Variants in SLC35F1 observed in about 807,000 individuals in gnomAD.
SLC35F1 encodes solute carrier family 35 member F1.
SLC35F1 carries 14 observed loss-of-function variants against 48.7 expected under a neutral mutation model. The observed-to-expected ratio is 0.29, with a 90% CI of 0.19 to 0.45. SLC35F1 has a LOEUF of 0.45. Among genes scored for constraint, SLC35F1 ranks in the 20% least tolerant of loss-of-function variants. The probability of loss-of-function intolerance (pLI) is 1.00; values close to 1 mark genes in which losing one functional copy is unlikely to be tolerated. For synonymous variants in SLC35F1, 190 were observed against 202.2 expected (o/e 0.94, Z 0.51); for missense variants, 404 against 500.0 (o/e 0.81, Z 1.83).
chr6:118,111,728 T>C lies in SLC35F1; in HGVS notation c.174-42717T>C, dbSNP rs553567328. ...ATTGATCTAACAGATAACAATGTATTTAAAAGAATAAGAGAAACAATATAT... is the reference window on the plus strand; with the variant it reads ...ATTGATCTAACAGATAACAATGTATCTAAAAGAATAAGAGAAACAATATAT... On this transcript the variant is annotated intron_variant, in intron 1 of 7. Transcript: ENST00000360388. Among the ~76,000 whole-genome samples, 316 of 152,318 alleles carry C rather than the reference T, an allele frequency of 2.1e-3. 1 individual carries two copies. The highest frequency in any genetic ancestry group is 7.5e-3 in the African/African-American group (312 of 41,574).
chr6:118,207,645 A>G (rs1020424993), intron 2 of SLC35F1, among the ~76,000 whole-genome samples: 4 of 152,164 alleles, frequency 2.6e-5, no homozygotes, highest in African/African-American at 9.7e-5. Context: ...TTGAAGGACA[A>G]TGTCAGCAGA....
chr6:118,072,300 C>T (rs1310719308), intron 1 of SLC35F1, among the ~76,000 whole-genome samples: 2 of 152,132 alleles, frequency 1.3e-5, no homozygotes, highest in African/African-American at 4.8e-5. Flanking sequence ...CACGGTGGCT[C>T]ACGCCTGTAA....
At chr6:118,067,527 C>G (rs76979482) in intron 1 of SLC35F1, among the ~76,000 whole-genome samples, 1,898 of 152,044 alleles carry the variant, frequency 0.012, 40 homozygotes, top group African/African-American at 0.043. Context: ...GTGTGCTTAG[C>G]GTGATGCAAG....
intron 1 of SLC35F1, among the ~76,000 whole-genome samples, chr6:118,122,989 T>C (rs1431270795): frequency 6.6e-6 from 1 of 152,166 alleles, no homozygotes; most frequent in African/African-American, 2.4e-5. Context: ...ATTAGACAGC[T>C]AGCTGGCAGC....
intron 1 of SLC35F1, among the ~76,000 whole-genome samples, chr6:118,026,984 A>G (rs73521539): frequency 0.047 from 7,214 of 152,214 alleles, 599 homozygotes; most frequent in African/African-American, 0.17. Context: ...GCCTTCTCCT[A>G]CTGCCAGCCC....
chr6:118,271,027 AT>A (rs1181208712), intron 4 of SLC35F1, among the ~76,000 whole-genome samples: 2 of 151,346 alleles, frequency 1.3e-5, no homozygotes, highest in Non-Finnish European at 2.9e-5. Context: ...GCCAACAATA[AT>A]TTTTTATTAC....
At chr6:118,200,454 CT>C (rs1439253307) in intron 2 of SLC35F1, among the ~76,000 whole-genome samples, 1 of 152,160 alleles carries the variant, frequency 6.6e-6, no homozygotes, top group African/African-American at 2.4e-5. Flanking sequence ...ACCCTGTCCC[CT>C]GCCAGTGTCC....
intron 1 of SLC35F1, among the ~76,000 whole-genome samples, chr6:118,003,435 G>T (rs921089558): frequency 6.6e-6 from 1 of 152,194 alleles, no homozygotes; most frequent in African/African-American, 2.4e-5. Flanking sequence ...ATGGCAACCT[G>T]CCGGCTGTGG....
chr6:118,011,738 G>A (rs956445878), intron 1 of SLC35F1, among the ~76,000 whole-genome samples: 2 of 152,122 alleles, frequency 1.3e-5, no homozygotes, highest in African/African-American at 4.8e-5. Context: ...TTCCAAACAG[G>A]CCACCAACCA....
chr6:118,296,885 A>C (rs1690658), intron 7 of SLC35F1, among the ~76,000 whole-genome samples: 15,722 of 152,228 alleles, frequency 0.1, 932 homozygotes, highest in Middle Eastern at 0.19. Context: ...TTGCCCATTC[A>C]GTCTCCTAAT....
intron 1 of SLC35F1, among the ~76,000 whole-genome samples, chr6:118,096,903 C>G (rs188940192): frequency 6.6e-6 from 1 of 152,268 alleles, no homozygotes; most frequent in Admixed American, 6.5e-5. Flanking sequence ...CCTTTTTATT[C>G]CAAACAGAAT....
Position 118,239,494 on chromosome 6 carries a change from C to CT in SLC35F1, c.477+3868dup, listed in dbSNP as rs5879455. ...CTTTCCTGTTTGGAACCATAGTTGG[C>CT]TTTTTTTTTTCTGTTAAGCATTGAA... On this transcript the variant is annotated intron_variant, in intron 3 of 7. Coordinates refer to ENST00000360388, the MANE Select transcript of SLC35F1 (RefSeq NM_001029858.4). 7.4e-5 allele frequency among the ~76,000 whole-genome samples: 11 copies of CT among 149,256 alleles called. No homozygotes were observed. In the East Asian group the frequency reaches 9.8e-4, roughly 13 times the overall value.
At chr6:118,243,026 G>A (rs532013918) in intron 3 of SLC35F1, among the ~76,000 whole-genome samples, 2 of 152,160 alleles carry the variant, frequency 1.3e-5, no homozygotes, top group East Asian at 1.9e-4. Context: ...CTCCTCTGAC[G>A]TGGGCATGTT....
At chr6:118,036,213 T>C (rs1772129982) in intron 1 of SLC35F1, among the ~76,000 whole-genome samples, 1 of 152,180 alleles carries the variant, frequency 6.6e-6, no homozygotes, top group South Asian at 2.1e-4. Flanking sequence ...CCACAAATTT[T>C]GATATGTTAT....
chr6:118,243,021 C>G (rs976389427), intron 3 of SLC35F1, among the ~76,000 whole-genome samples: 6 of 152,194 alleles, frequency 3.9e-5, no homozygotes, highest in African/African-American at 1.4e-4. Context: ...CACCACTCCT[C>G]TGACGTGGGC....
At chr6:118,082,372 C>T (rs1409985218) in intron 1 of SLC35F1, among the ~76,000 whole-genome samples, 1 of 152,118 alleles carries the variant, frequency 6.6e-6, no homozygotes, top group African/African-American at 2.4e-5. Context: ...GACAGAATGA[C>T]TGGAATTTGA....
At chr6:117,972,634 G>A (rs1321427054) in intron 1 of SLC35F1, among the ~76,000 whole-genome samples, 3 of 152,172 alleles carry the variant, frequency 2.0e-5, no homozygotes, top group Non-Finnish European at 2.9e-5. Flanking sequence ...AGGCAAGAGC[G>A]TGTACAGGGG....
In SLC35F1 at chr6:118,307,953, A is replaced by G. The variant is rs140661517; in HGVS notation, c.1003-6075A>G. 8.9e-3 allele frequency among the ~76,000 whole-genome samples: 1,351 copies of G among 152,278 alleles called. 6 individuals are homozygous for G. Among genetic ancestry groups the G allele is most frequent in the South Asian group, 0.013 (64 of 4,820 alleles). On this transcript the variant is annotated intron_variant, in intron 7 of 7. Transcript: ENST00000360388. Reference sequence around the variant, plus strand: ...TGCCAAGAGTTGAGCTGTATTGTCAATGCTGAATTGTCCTCTCCCTCCCTA... The same window carrying G: ...TGCCAAGAGTTGAGCTGTATTGTCAGTGCTGAATTGTCCTCTCCCTCCCTA...
chr6:117,968,600 T>C (rs1381067481), intron 1 of SLC35F1, among the ~76,000 whole-genome samples: 1 of 152,298 alleles, frequency 6.6e-6, no homozygotes, highest in South Asian at 2.1e-4. Flanking sequence ...TTTTTATACA[T>C]CCAGTGAGAT....
Sources: gnomAD v4.1 joint callset for allele counts (sites outside exome capture counted in the v4.1 genomes callset) on GRCh38, gnomAD v4.1.1 for gene constraint, MANE v1.5 for transcripts, NCBI Gene and HGNC (gene_info 2026-07-23, HGNC 2026-07-21) for gene names.